Variants in CA5B observed in about 807,000 individuals in gnomAD.
The protein encoded by CA5B is carbonic anhydrase 5B, mitochondrial.
In CA5B, 15 loss-of-function variants were observed where a neutral mutation model predicts 23.1. The ratio of observed to expected loss-of-function variants is 0.65; its 90% confidence interval spans 0.43 to 1.00. The LOEUF (loss-of-function observed/expected upper bound fraction) is 1.00, where lower values mean the gene tolerates loss of function less well. CA5B is among the 50% of genes least tolerant of loss of function. CA5B has a pLI of 0.00. For synonymous variants in CA5B, 84 were observed against 98.5 expected (o/e 0.85, Z 0.87); for missense variants, 236 against 252.2 (o/e 0.94, Z 0.43).
Position 15,777,516 on chromosome X carries a change from C to T in CA5B, c.774+647C>T, listed in dbSNP as rs777913287. ...ATGAAGCCAGCATAACTGATACCAACACTCACCAAAGATTGGACCCCCCTC... is the reference window on the plus strand; with the variant it reads ...ATGAAGCCAGCATAACTGATACCAATACTCACCAAAGATTGGACCCCCCTC... On this transcript the variant is annotated intron_variant, in intron 7 of 7. Coordinates refer to ENST00000318636, the MANE Select transcript of CA5B (RefSeq NM_007220.4). Among the ~76,000 whole-genome samples the T allele has an allele frequency of 1.2e-3, 128 of 110,887 alleles. 1 individual carries two copies. The highest frequency in any genetic ancestry group is 2.1e-3 in the Non-Finnish European group (111 of 52,900).
At chrX:15,749,897 C>A in intron 1 of CA5B, 74 bp from the exon 2 acceptor site, 1 of 805,311 alleles carries the variant, frequency 1.2e-6, no homozygotes, top group Non-Finnish European at 1.8e-6. Context: ...GAATATTGTC[C>A]TGCTTAGAGG....
chrX:15,772,436 A>C, intron 3 of CA5B, 60 bp from the exon 4 acceptor site: 4 of 768,433 alleles, frequency 5.2e-6, no homozygotes, highest in Admixed American at 4.8e-5. Flanking sequence ...TTGGCCTTTC[A>C]CCCACATTCC....
At chrX:15,774,022 A>G (rs1931872322) in intron 4 of CA5B, among the ~76,000 whole-genome samples, 2 of 112,339 alleles carry the variant, frequency 1.8e-5, no homozygotes, top group African/African-American at 6.5e-5. Context: ...GGACTGGACA[A>G]ATGTTGATTG....
intron 1 of CA5B, chrX:15,745,803 T>C (rs1380412526): frequency 9.4e-6 from 1 of 106,870 alleles, no homozygotes; most frequent in Non-Finnish European, 2.0e-5. Context: ...GTTGCAGTTG[T>C]TTGTTTGGGG....
chrX:15,757,958 G>A (rs1159609223), intron 2 of CA5B, among the ~76,000 whole-genome samples: 2 of 111,037 alleles, frequency 1.8e-5, no homozygotes, highest in African/African-American at 3.3e-5. Context: ...TGGTTATTTA[G>A]GAAAATTGCT....
At chrX:15,749,496 T>A (rs1569274172) in intron 1 of CA5B, among the ~76,000 whole-genome samples, 1 of 111,874 alleles carries the variant, frequency 8.9e-6, no homozygotes, top group Non-Finnish European at 1.9e-5. Context: ...TTTGTTTTGT[T>A]TTTGTTTTTG....
At chrX:15,738,463 A>G (rs923751251) in intron 1 of CA5B, 111 bp downstream of exon 1, 1 of 111,230 alleles carries the variant, frequency 9.0e-6, no homozygotes, top group Non-Finnish European at 1.9e-5. Context: ...TTCCGGAGCT[A>G]GGAGAGCTGT....
chrX:15,766,397 A>G (rs1931710788), intron 3 of CA5B, among the ~76,000 whole-genome samples: 1 of 110,971 alleles, frequency 9.0e-6, no homozygotes, highest in African/African-American at 3.3e-5. Flanking sequence ...CTAAGAATTT[A>G]GGTGTTTCCA....
At chrX:15,746,543 T>C (rs1218844417) in intron 1 of CA5B, among the ~76,000 whole-genome samples, 1 of 111,685 alleles carries the variant, frequency 9.0e-6, no homozygotes, top group Non-Finnish European at 1.9e-5. Flanking sequence ...GGGTTCACAT[T>C]GCCCGCTGCC....
intron 1 of CA5B, among the ~76,000 whole-genome samples, chrX:15,749,592 C>T (rs1426183443): frequency 9.2e-6 from 1 of 108,848 alleles, no homozygotes; most frequent in Non-Finnish European, 1.9e-5. Flanking sequence ...TGTTGGGGTT[C>T]TTCGTACATG....
chrX:15,771,064 G>A (rs915918593), intron 3 of CA5B, among the ~76,000 whole-genome samples: 3 of 106,779 alleles, frequency 2.8e-5, no homozygotes, highest in Non-Finnish European at 3.9e-5. Flanking sequence ...CACCGTGCCC[G>A]GCCAAAAACA....
intron 3 of CA5B, among the ~76,000 whole-genome samples, chrX:15,770,472 TG>T (rs1931796114): frequency 9.0e-6 from 1 of 111,345 alleles, no homozygotes; most frequent in Non-Finnish European, 1.9e-5. Flanking sequence ...CTGTAGAGAC[TG>T]GGTCTCACTA....
intron 1 of CA5B, among the ~76,000 whole-genome samples, chrX:15,749,246 AATATTACC>A (rs1039154868): frequency 3.1e-4 from 35 of 111,767 alleles, no homozygotes; most frequent in African/African-American, 9.1e-4. Flanking sequence ...GTTCAAAGTT[AATATTACC>A]ATAACTTCAG....
intron 1 of CA5B, among the ~76,000 whole-genome samples, chrX:15,741,100 C>T (rs1931110637): frequency 9.2e-6 from 1 of 109,135 alleles, no homozygotes; most frequent in Non-Finnish European, 1.9e-5. Flanking sequence ...CGGAGTCTCG[C>T]CCTGTCACCT....
intron 1 of CA5B, among the ~76,000 whole-genome samples, chrX:15,745,183 A>AAAAAGAAAAGAAAAGAAAAG (rs58217589): frequency 1.2e-5 from 1 of 86,778 alleles, no homozygotes; most frequent in African/African-American, 4.1e-5. Flanking sequence ...AAAAAAAAAA[A>AAAAAGAAAAGAAAAGAAAAG]AAAAGAAAAG....
intron 7 of CA5B, among the ~76,000 whole-genome samples, chrX:15,780,771 C>T (rs1932007276): frequency 8.9e-6 from 1 of 112,081 alleles, no homozygotes; most frequent in Non-Finnish European, 1.9e-5. Context: ...TTTGCATGTG[C>T]AGCCGCTGTG....
At chrX:15,758,599 C>T (rs763262112) in intron 2 of CA5B, among the ~76,000 whole-genome samples, 48 of 111,546 alleles carry the variant, frequency 4.3e-4, no homozygotes, top group African/African-American at 8.8e-4. Context: ...CTCCGCCTCC[C>T]GGGTTCAAGA....
intron 2 of CA5B, 92 bp from the exon 3 acceptor site, chrX:15,764,486 C>A (rs1018580315): frequency 4.3e-6 from 5 of 1,159,079 alleles, no homozygotes; most frequent in Non-Finnish European, 5.8e-6. Flanking sequence ...GTGATCCACC[C>A]GCCTTGGCCT....
intron 2 of CA5B, among the ~76,000 whole-genome samples, chrX:15,752,225 G>A (rs1931372112): frequency 9.0e-6 from 1 of 110,949 alleles, no homozygotes; most frequent in African/African-American, 3.3e-5. Flanking sequence ...TAAGGGGTCT[G>A]GGGAGTCATG....
Sources: allele counts gnomAD v4.1 joint callset (sites outside exome capture counted in the v4.1 genomes callset), GRCh38; gene constraint gnomAD v4.1.1; transcripts MANE v1.5; gene names NCBI Gene and HGNC (gene_info 2026-07-23, HGNC 2026-07-21).